The following PARP4 variants were observed in gnomAD, a reference collection of about 807,000 sequenced individuals.
PARP4 encodes protein mono-ADP-ribosyltransferase PARP4.
A neutral mutation model predicts 187.7 loss-of-function variants in PARP4; 120 were observed. The observed-to-expected ratio is 0.64, with a 90% CI of 0.55 to 0.74. The LOEUF (loss-of-function observed/expected upper bound fraction) is 0.74. Among genes scored for constraint, PARP4 ranks in the 30% least tolerant of loss-of-function variants. The pLI is 0.00. For synonymous variants in PARP4, 654 were observed against 740.9 expected (o/e 0.88, Z 1.90); for missense variants, 1,836 against 2,070.5 (o/e 0.89, Z 2.20).
Position 24,509,586 on chromosome 13 carries a change from AT to A in PARP4, c.-2+3119del, listed in dbSNP as rs748598646. 3.9e-5 allele frequency among the ~76,000 whole-genome samples: 6 copies of A among 152,130 alleles called. 1 individual carries two copies. The highest frequency in any genetic ancestry group is 4.1e-4 in the South Asian group (2 of 4,830). ...ATGTATGTAAATTGTACCCCAATAC[AT>A]TTTTTAAATAGTATTTTTTGGATAC... On this transcript the variant is annotated intron_variant, in intron 1 of 33. Transcript: ENST00000381989.
At chr13:24,429,213 A>G (rs1870211171) in intron 32 of PARP4, among the ~76,000 whole-genome samples, 1 of 152,124 alleles carries the variant, frequency 6.6e-6, no homozygotes, top group Non-Finnish European at 1.5e-5. Flanking sequence ...AGATTCTGCG[A>G]TTCACCCATT....
At chr13:24,456,243 T>G (rs1565999516) in intron 21 of PARP4, 98 bp downstream of exon 21, 1 of 917,132 alleles carries the variant, frequency 1.1e-6, no homozygotes, top group East Asian at 2.5e-5. Flanking sequence ...TTTGTAATGC[T>G]AGTTTTTCAG....
At chr13:24,452,647 T>C (rs1871586249) in intron 23 of PARP4, 54 bp from the exon 24 acceptor site, 2 of 1,435,334 alleles carry the variant, frequency 1.4e-6, no homozygotes, top group African/African-American at 2.8e-5. Flanking sequence ...CAGTCACCAT[T>C]TGCTGTCATC....
At chr13:24,507,676 T>C (rs1869784948) in intron 1 of PARP4, among the ~76,000 whole-genome samples, 1 of 152,244 alleles carries the variant, frequency 6.6e-6, no homozygotes, top group African/African-American at 2.4e-5. Flanking sequence ...GTGTTCAATC[T>C]CTTCTCCACA....
In PARP4 at chr13:24,435,451, CCACT is replaced by C. The variant is rs1870586924; in HGVS notation, c.3686_3689del (p.Glu1229GlyfsTer37). ...TTCGTTTGGATAAACGTAATTCTGG[CCACT>C]CAGAGGATGCTAAAAGAGACTGCCC... On this transcript the variant is annotated frameshift_variant, in exon 31 of 34. Coordinates refer to ENST00000381989, the MANE Select transcript of PARP4 (RefSeq NM_006437.4). LOFTEE classifies it high-confidence loss of function. 6.2e-7 allele frequency: 1 copy of C among 1,603,458 alleles called. No individual in the cohort carries two copies. Among genetic ancestry groups the C allele is most frequent in the African/African-American group, 1.3e-5 (1 of 74,276 alleles).
chr13:24,484,315 A>T (rs1181682280), intron 12 of PARP4, among the ~76,000 whole-genome samples: 1 of 152,138 alleles, frequency 6.6e-6, no homozygotes, highest in Non-Finnish European at 1.5e-5. Flanking sequence ...TATAGGTTCT[A>T]TTAGCGCCAC....
chr13:24,490,970 G>T lies in PARP4; in HGVS notation c.1054-142C>A, dbSNP rs186741712. Reference sequence around the variant, plus strand: ...TTTACTTTATTTATTTTTGAGATGGGTCTTGCTCTCACCCACGCTGGAGTG... The same window carrying T: ...TTTACTTTATTTATTTTTGAGATGGTTCTTGCTCTCACCCACGCTGGAGTG... On this transcript the variant is annotated intron_variant, in intron 9 of 33. Coordinates refer to ENST00000381989, the MANE Select transcript of PARP4 (RefSeq NM_006437.4). 2.4e-5 allele frequency: 18 copies of T among 756,266 alleles called. No individual in the cohort carries two copies. In the East Asian group the frequency reaches 4.8e-4, roughly 20 times the overall value. 46.8% of individuals were successfully genotyped at this position (756,266 alleles called of 1,614,324 possible).
intron 30 of PARP4, among the ~76,000 whole-genome samples, chr13:24,438,666 G>T (rs1448328879): frequency 6.6e-6 from 1 of 152,210 alleles, no homozygotes; most frequent in Non-Finnish European, 1.5e-5. Context: ...CCCAGGCGTG[G>T]CTGTGGGAGG....
At chr13:24,457,770 C>CAAAAAAAAA (rs33930012) in intron 20 of PARP4, among the ~76,000 whole-genome samples, 40 of 85,642 alleles carry the variant, frequency 4.7e-4, no homozygotes, top group African/African-American at 7.0e-4. Context: ...GACTCTGTCT[C>CAAAAAAAAA]AAAAAAAAAA....
chr13:24,460,489 T>C (rs1386911143), intron 17 of PARP4, among the ~76,000 whole-genome samples: 1 of 120,196 alleles, frequency 8.3e-6, no homozygotes, highest in Non-Finnish European at 1.7e-5. Flanking sequence ...TGGGCTCTGC[T>C]GCATGGGTGG....
At chr13:24,441,697 C>T in intron 30 of PARP4, 149 bp downstream of exon 30, 1 of 693,320 alleles carries the variant, frequency 1.4e-6, no homozygotes, top group Non-Finnish European at 2.4e-6. Flanking sequence ...TGTAATTCAA[C>T]ATTTTATAAA....
intron 11 of PARP4, among the ~76,000 whole-genome samples, chr13:24,484,976 C>G (rs904246244): frequency 6.6e-6 from 1 of 152,150 alleles, no homozygotes; most frequent in African/African-American, 2.4e-5. Context: ...TGTAAAATAG[C>G]TTTTGGGTTT....
At chr13:24,476,797 C>T (rs1287783563) in intron 14 of PARP4, among the ~76,000 whole-genome samples, 1 of 152,160 alleles carries the variant, frequency 6.6e-6, no homozygotes, top group Non-Finnish European at 1.5e-5. Context: ...AGTGAATATC[C>T]TCTTGTATGC....
chr13:24,459,117 G>T lies in PARP4; in HGVS notation c.2351C>A (p.Ser784Tyr). 6.2e-7 allele frequency: 1 copy of T among 1,605,736 alleles called. No individual in the cohort carries two copies. The highest frequency in any genetic ancestry group is 1.1e-5 in the South Asian group (1 of 89,872). The change falls in exon 20 of 34, where the codon TCT becomes TAT. Residue 784 changes from serine (S) to tyrosine (Y), a missense_variant. Ser to Tyr is a moderately radical substitution (Grantham distance 144). Transcript: ENST00000381989. ...IKEIGTKQSF[S>Y]LTMSIEMPYV... The stretch of plus-strand genomic sequence containing the variant: ...CGGCATCTCAATAGACATAGTCAAA[G>T]AGAAGCTAGCAAAAATGAAGAGAAA...
chr13:24,465,994 C>T (rs539625640), intron 17 of PARP4, among the ~76,000 whole-genome samples: 2 of 152,134 alleles, frequency 1.3e-5, no homozygotes, highest in South Asian at 4.1e-4. Flanking sequence ...TAGTAGTAAA[C>T]CCTAAAGCAG....
At chr13:24,439,384 A>G (rs1870800948) in intron 30 of PARP4, among the ~76,000 whole-genome samples, 2 of 152,266 alleles carry the variant, frequency 1.3e-5, no homozygotes, top group South Asian at 4.1e-4. Context: ...ATTAGAAAAT[A>G]CAAGTAGACA....
chr13:24,484,144 G>A (rs2137520372), intron 12 of PARP4, among the ~76,000 whole-genome samples: 1 of 152,188 alleles, frequency 6.6e-6, no homozygotes, highest in East Asian at 1.9e-4. Flanking sequence ...TGCATTAAAT[G>A]ATGTCACAAT....
intron 17 of PARP4, among the ~76,000 whole-genome samples, chr13:24,466,674 A>G (rs762836615): frequency 6.6e-6 from 1 of 151,682 alleles, no homozygotes; most frequent in Non-Finnish European, 1.5e-5. Context: ...ATGTGCCTTT[A>G]GTCCTAGCTA....
intron 6 of PARP4, 29 bp from the exon 7 acceptor site, chr13:24,494,751 C>T: frequency 6.6e-7 from 1 of 1,520,604 alleles, no homozygotes; most frequent in Non-Finnish European, 9.0e-7. Context: ...AGCAAAAGTA[C>T]AGTCATTATT....
Sources: allele counts gnomAD v4.1 joint callset (sites outside exome capture counted in the v4.1 genomes callset), GRCh38; gene constraint gnomAD v4.1.1; transcripts MANE v1.5; gene names NCBI Gene and HGNC (gene_info 2026-07-23, HGNC 2026-07-21).